PLD5: variants seen among roughly 807,000 people sequenced by gnomAD.
The protein encoded by PLD5 is inactive phospholipase D5.
Under a neutral mutation model 61.1 loss-of-function variants are expected in PLD5, and 36 were observed. The ratio of observed to expected loss-of-function variants is 0.59; its 90% CI spans 0.45 to 0.78. PLD5 has a LOEUF of 0.78. PLD5 is among the 30% of genes least tolerant of loss of function. The probability of loss-of-function intolerance (pLI) is 0.00; values close to 1 mark genes in which losing one functional copy is unlikely to be tolerated. For missense variants in PLD5, 515 were observed against 644.4 expected, an observed-to-expected ratio of 0.80 and a Z score of 2.17; for synonymous variants, 243 against 242.8, an observed-to-expected ratio of 1.00 and a Z score of -0.01.
intron 5 of PLD5, among the ~76,000 whole-genome samples, chr1:242,128,474 C>T (rs1362810621): frequency 2.6e-5 from 4 of 152,160 alleles, no homozygotes; most frequent in Non-Finnish European, 5.9e-5. Context: ...TGCCACACTC[C>T]CTGCTGACTC....
chr1:242,435,277 G>C (rs1665935099), intron 1 of PLD5, among the ~76,000 whole-genome samples: 1 of 151,924 alleles, frequency 6.6e-6, no homozygotes, highest in Admixed American at 6.6e-5. Flanking sequence ...AAAAATCTGA[G>C]TCCCTAGTGC....
At chr1:242,470,453 C>T (rs1667417837) in intron 1 of PLD5, among the ~76,000 whole-genome samples, 2 of 152,102 alleles carry the variant, frequency 1.3e-5, no homozygotes, top group South Asian at 4.2e-4. Context: ...GGGGCCATCA[C>T]TTATTTAACC....
intron 2 of PLD5, among the ~76,000 whole-genome samples, chr1:242,298,014 T>C (rs1675811801): frequency 2.6e-5 from 4 of 152,254 alleles, no homozygotes; most frequent in Admixed American, 2.6e-4. Context: ...TTGCATATAT[T>C]GCCAATGGGA....
chr1:242,163,336 G>A (rs1250300073), intron 5 of PLD5, among the ~76,000 whole-genome samples: 4 of 151,776 alleles, frequency 2.6e-5, no homozygotes, highest in Non-Finnish European at 4.4e-5. Flanking sequence ...GCACAGACGG[G>A]GTTTCACTGT....
chr1:242,179,807 G>A (rs544290731), intron 5 of PLD5, among the ~76,000 whole-genome samples: 5 of 152,322 alleles, frequency 3.3e-5, no homozygotes, highest in Admixed American at 3.3e-4. Flanking sequence ...GGAGGCTGAG[G>A]TAGGAGAATT....
rs76486562 is a variant in PLD5 at position 242,134,399 on chromosome 1, T to A, written c.736-9734A>T. Among the ~76,000 whole-genome samples the A allele has an allele frequency of 2.4e-4, 14 of 58,338 alleles. No individual in the cohort carries two copies. In the East Asian group the frequency reaches 8.6e-3, roughly 36 times the overall value. The allele number at this position is 58,338 out of a possible 152,430, so 38.3% of individuals were successfully genotyped here. A position where few individuals can be genotyped will look rare whatever the true frequency, so the allele number is the denominator to read the frequency against. On this transcript the variant is annotated intron_variant, in intron 5 of 9. Transcript: ENST00000536534. Reference sequence around the variant, plus strand: ...TGTAGCCTTCAGTTTTTTTTTTTTTTTAATAAATAATTAGAAAAAGAAAAT... The same window carrying A: ...TGTAGCCTTCAGTTTTTTTTTTTTTATAATAAATAATTAGAAAAAGAAAAT...
intron 1 of PLD5, among the ~76,000 whole-genome samples, chr1:242,438,458 T>G (rs543226607): frequency 5.4e-5 from 8 of 148,982 alleles, no homozygotes; most frequent in African/African-American, 2.0e-4. Context: ...TTTTTTTTTT[T>G]TTTGAGATGG....
At chr1:242,391,066 G>T (rs1452079765) in intron 1 of PLD5, among the ~76,000 whole-genome samples, 1 of 152,098 alleles carries the variant, frequency 6.6e-6, no homozygotes, top group African/African-American at 2.4e-5. Context: ...GTGGTGGCGG[G>T]TATCTGCAGT....
At chr1:242,168,846 G>GTTTTTTTTTTTTTTTTTCTTTT (rs1666521420) in intron 5 of PLD5, among the ~76,000 whole-genome samples, 1 of 111,266 alleles carries the variant, frequency 9.0e-6, no homozygotes, top group African/African-American at 3.7e-5. Context: ...AATTAATGAA[G>GTTTTTTTTTTTTTTTTTCTTTT]TTTTTTTTTT....
chr1:242,389,414 T>C (rs1401094237), intron 1 of PLD5, among the ~76,000 whole-genome samples: 3 of 152,128 alleles, frequency 2.0e-5, no homozygotes, highest in Non-Finnish European at 4.4e-5. Context: ...GGGCCATCAA[T>C]GTAATAAGTA....
At chr1:242,418,673 A>C (rs1664960259) in intron 1 of PLD5, among the ~76,000 whole-genome samples, 1 of 152,208 alleles carries the variant, frequency 6.6e-6, no homozygotes. Flanking sequence ...GTGAAGTGGC[A>C]ACTGAGAACG....
At chr1:242,093,071 A>G (rs892445453) in intron 9 of PLD5, among the ~76,000 whole-genome samples, 1 of 152,132 alleles carries the variant, frequency 6.6e-6, no homozygotes, top group East Asian at 1.9e-4. Flanking sequence ...CTTTGGACGA[A>G]TTTATTTCTG....
chr1:242,129,583 C>G (rs1193122709), intron 5 of PLD5, among the ~76,000 whole-genome samples: 1 of 152,164 alleles, frequency 6.6e-6, no homozygotes, highest in Non-Finnish European at 1.5e-5. Flanking sequence ...TGATGAATTT[C>G]TATGTCTAGA....
chr1:242,506,933 G>A (rs1029280763), intron 1 of PLD5, among the ~76,000 whole-genome samples: 4 of 152,204 alleles, frequency 2.6e-5, no homozygotes, highest in African/African-American at 9.6e-5. Context: ...CAGCAACGCG[G>A]TACTAACGGT....
chr1:242,302,616 G>A (rs527434368), intron 2 of PLD5, among the ~76,000 whole-genome samples: 1 of 152,336 alleles, frequency 6.6e-6, no homozygotes, highest in African/African-American at 2.4e-5. Context: ...CTACTCAGGA[G>A]GCTGAGGCAG....
chr1:242,252,545 T>C (rs1455723932), intron 4 of PLD5, among the ~76,000 whole-genome samples: 1 of 152,036 alleles, frequency 6.6e-6, no homozygotes, highest in Non-Finnish European at 1.5e-5. Context: ...AGACTATCTC[T>C]ACAACAAAGA....
At chr1:242,494,089 CCTTCCCCTCT>C (rs1668276262) in intron 1 of PLD5, among the ~76,000 whole-genome samples, 1 of 113,114 alleles carries the variant, frequency 8.8e-6, no homozygotes, top group Non-Finnish European at 1.8e-5. Context: ...CCCTGCCCTC[CCTTCCCCTCT>C]CCTCCCCTCT....
chr1:242,452,817 C>G (rs559079204), intron 1 of PLD5, among the ~76,000 whole-genome samples: 4 of 152,142 alleles, frequency 2.6e-5, no homozygotes, highest in East Asian at 1.9e-4. Flanking sequence ...CCCTGCCCCC[C>G]ACCCCTGATG....
chr1:242,207,149 A>G (rs1038260901), intron 5 of PLD5, among the ~76,000 whole-genome samples: 2 of 152,222 alleles, frequency 1.3e-5, no homozygotes, highest in African/African-American at 4.8e-5. Flanking sequence ...AATCACATCT[A>G]GAAAATACCT....
Sources: allele counts gnomAD v4.1 joint callset (sites outside exome capture counted in the v4.1 genomes callset), GRCh38; gene constraint gnomAD v4.1.1; transcripts MANE v1.5; gene names NCBI Gene and HGNC (gene_info 2026-07-23, HGNC 2026-07-21).